Variants in PAOX observed in about 807,000 individuals in gnomAD.
The protein encoded by PAOX is peroxisomal N(1)-acetyl-spermine/spermidine oxidase.
A neutral mutation model predicts 39.0 loss-of-function variants in PAOX; 38 were observed. The observed-to-expected ratio is 0.97, with a 90% CI of 0.75 to 1.28. The LOEUF is 1.28. PAOX is among the 50% of genes most tolerant of loss of function. The pLI is 0.00. For synonymous variants in PAOX, 311 were observed against 314.4 expected (o/e 0.99, Z 0.11); for missense variants, 667 against 685.7 (o/e 0.97, Z 0.30).
chr10:133,379,662 G>A (rs896408791), intron 1 of PAOX, 165 bp downstream of exon 1: 11 of 640,472 alleles, frequency 1.7e-5, no homozygotes, highest in Non-Finnish European at 2.0e-5. Context: ...CCGAAACTCA[G>A]GGCTCAGAGT....
At chr10:133,379,947 G>T in intron 1 of PAOX, 52 bp from the exon 2 acceptor site, 1 of 1,501,840 alleles carries the variant, frequency 6.7e-7, no homozygotes, top group Non-Finnish European at 8.8e-7. Context: ...AGGGCTCGGG[G>T]TGACCCTTCT....
chr10:133,388,996 T>G lies in PAOX; in HGVS notation c.1162T>G (p.Ser388Ala). 2 of 1,614,100 alleles carry G rather than the reference T, an allele frequency of 1.2e-6. No individual in the cohort carries two copies. Among genetic ancestry groups the G allele is most frequent in the Non-Finnish European group, 1.7e-6 (2 of 1,180,018 alleles). Residue 388 changes from serine (S) to alanine (A), a missense_variant, in exon 5 of 7, where the codon TCT becomes GCT. Transcript: ENST00000278060. ...CTGTGGGTTCATTGCCGGACTTGAGTCTGAGTTCATGGAGACTCTGTCGGA... is the reference window on the plus strand; with the variant it reads ...CTGTGGGTTCATTGCCGGACTTGAGGCTGAGTTCATGGAGACTCTGTCGGA... ...VLCGFIAGLE[S>A]EFMETLSDEE...
At chr10:133,379,571 G>C in intron 1 of PAOX, 74 bp downstream of exon 1, 7 of 1,165,728 alleles carry the variant, frequency 6.0e-6, no homozygotes, top group Non-Finnish European at 7.5e-6. Context: ...AACCTGCCCT[G>C]CGCGCAGCCG....
At position 133,379,508 on chromosome 10, in the gene PAOX, C is replaced by T. The variant is rs1849291246; in HGVS notation, c.181+11C>T. ...CGGAGCGCTGCTTCGGTAACCGCCC[C>T]TCCCGGAGCCCCTCCCGGAACCCAA... is the stretch of plus-strand genomic sequence containing the variant. On this transcript the variant is annotated intron_variant, in intron 1 of 6. Transcript: ENST00000278060. 2 of 1,225,564 alleles carry T rather than the reference C, an allele frequency of 1.6e-6. No individual in the cohort carries two copies. Among genetic ancestry groups the T allele is most frequent in the Non-Finnish European group, 2.0e-6 (2 of 984,050 alleles). The allele number at this position is 1,225,564 out of a possible 1,614,324, so 75.9% of individuals were successfully genotyped here.
rs748587087 is a variant in PAOX, at chr10:133,380,415, A to G, written c.598A>G (p.Met200Val). ...LECCVSGTHS[M>V]DLVALAPFGE... ...ATGCTGTGTGAGCGGCACCCACAGC[A>G]TGGACCTGGTGGCCCTGGCACCCTT... The change falls in exon 2 of 7, where the codon ATG becomes GTG. Residue 200 changes from methionine to valine, a missense_variant. Transcript: ENST00000278060. The G allele has an allele frequency of 6.2e-7, 1 of 1,612,808 alleles. No individual in the cohort carries two copies. Among genetic ancestry groups the G allele is most frequent in the South Asian group, 1.1e-5 (1 of 91,078 alleles).
At chr10:133,379,857 G>A (rs767797989) in intron 1 of PAOX, 142 bp from the exon 2 acceptor site, 355 of 1,157,304 alleles carry the variant, frequency 3.1e-4, no homozygotes, top group Non-Finnish European at 4.0e-4. Flanking sequence ...ACAGGGCCCT[G>A]CCCTGGGGGA....
chr10:133,380,347 G>C lies in PAOX; in HGVS notation c.530G>C (p.Arg177Thr). ...VAGWTEDEET[R>T]KLKLAVLNSF... ...GGCTGGACAGAGGATGAGGAGACCA[G>C]GAAGCTGAAGCTGGCCGTCCTGAAC... Residue 177 changes from arginine to threonine, a missense_variant, in exon 2 of 7, where the codon AGG becomes ACG. Coordinates refer to ENST00000278060, the MANE Select transcript of PAOX (RefSeq NM_152911.4). 1 of 1,612,926 alleles carries C rather than the reference G, an allele frequency of 6.2e-7. No individual in the cohort carries two copies. The highest frequency in any genetic ancestry group is 8.5e-7 in the Non-Finnish European group (1 of 1,180,036).
chr10:133,381,834 T>C (rs1242356885), intron 3 of PAOX, among the ~76,000 whole-genome samples, 175 bp downstream of exon 3: 1 of 152,228 alleles, frequency 6.6e-6, no homozygotes, highest in Non-Finnish European at 1.5e-5. Context: ...TTACATGCTT[T>C]GGAATTAAGG....
At chr10:133,385,148 T>G (rs772590833) in intron 4 of PAOX, among the ~76,000 whole-genome samples, 3 of 152,026 alleles carry the variant, frequency 2.0e-5, no homozygotes, top group Non-Finnish European at 4.4e-5. Flanking sequence ...ATACAAAAAA[T>G]TAGCCGGTGT....
chr10:133,381,478 A>G lies in PAOX; in HGVS notation c.687A>G (p.Thr229=). 2 of 1,613,778 alleles carry G rather than the reference A, an allele frequency of 1.2e-6. No homozygotes were observed. The highest frequency in any genetic ancestry group is 2.2e-5 in the East Asian group (1 of 44,886). ...TTTCTAGGGGCTATCAAGGACTCAC[A>G]AACTGCATGATGGCCGCCCTGCCGG... The part of the protein sequence containing the change: ...CTFSKGYQGL[T]NCMMAALPED... The change falls in exon 3 of 7, where the codon ACA becomes ACG. Residue 229 remains threonine (T), a synonymous_variant. Transcript: ENST00000278060.
intron 2 of PAOX, among the ~76,000 whole-genome samples, chr10:133,380,719 C>G (rs1849343196): frequency 6.6e-6 from 1 of 152,236 alleles, no homozygotes; most frequent in Non-Finnish European, 1.5e-5. Context: ...GTGGCTCACG[C>G]CTGTAATCCC....
Position 133,384,046 on chromosome 10 carries a change from A to G in PAOX, c.955A>G (p.Thr319Ala). The G allele has an allele frequency of 6.2e-7, 1 of 1,614,150 alleles. No homozygotes were observed. The change falls in exon 4 of 7, where the codon ACC becomes GCC. Residue 319 changes from threonine (T) to alanine (A), a missense_variant. By Grantham distance (58) the Thr-to-Ala change is moderately conservative (BLOSUM62 0). Transcript: ENST00000278060. This position sits in a 1 kb window ranked among gnomAD's most constrained non-coding sequence, Gnocchi z 4.3. ...AGCAATCAGGAAGATAGGCTTTGGG[A>G]CCAACAACAAAATCTTCCTGGAGTT... ...AEAIRKIGFG[T>A]NNKIFLEFEE... is the part of the protein sequence containing the mutation.
chr10:133,387,781 C>T (rs1046842679), intron 4 of PAOX, among the ~76,000 whole-genome samples: 1 of 152,176 alleles, frequency 6.6e-6, no homozygotes, highest in African/African-American at 2.4e-5. Context: ...AGAGCAGTGG[C>T]GCGATCTTGG....
At position 133,385,685 on chromosome 10, in the gene PAOX, G is replaced by A. The variant is rs984188967; in HGVS notation, c.1121+1473G>A. On this transcript the variant is annotated intron_variant, in intron 4 of 6. Coordinates refer to ENST00000278060, the MANE Select transcript of PAOX (RefSeq NM_152911.4). The stretch of plus-strand genomic sequence containing the variant: ...TGCAAGCCCCACCTCCTGGGTTCAC[G>A]CCATTCTCCTGCCTCAGCCTCCTGA... Among the ~76,000 whole-genome samples, 6 of 152,132 alleles carry A rather than the reference G, an allele frequency of 3.9e-5. No homozygotes were observed. The South Asian group carries it at 1.0e-3, about 26-fold the overall frequency.
At position 133,381,631 on chromosome 10, in the gene PAOX, G is replaced by T. The variant is rs762289526; in HGVS notation, c.840G>T (p.Ala280=). The change falls in exon 3 of 7, where the codon GCG becomes GCT. Residue 280 remains alanine (A), a synonymous_variant. Coordinates refer to ENST00000278060, the MANE Select transcript of PAOX (RefSeq NM_152911.4). ...VECEDGDRFP[A]HHVIVTVPLG... ...GTGAGGATGGAGACCGGTTCCCGGC[G>T]CACCATGTCATCGTCACCGTGCCCT... 2 of 1,613,222 alleles carry T rather than the reference G, an allele frequency of 1.2e-6. No individual in the cohort carries two copies. Among genetic ancestry groups the T allele is most frequent in the East Asian group, 2.2e-5 (1 of 44,872 alleles).
intron 1 of PAOX, 113 bp downstream of exon 1, chr10:133,379,610 C>A: frequency 2.3e-6 from 2 of 878,840 alleles, no homozygotes; most frequent in Non-Finnish European, 3.0e-6. Flanking sequence ...CCGGGCTCCC[C>A]GAGGGAATCC....
At position 133,380,218 on chromosome 10, in the gene PAOX, T is replaced by C. The variant is rs1180564194; in HGVS notation, c.401T>C (p.Phe134Ser). The change falls in exon 2 of 7, where the codon TTC becomes TCC. Residue 134 changes from phenylalanine to serine, a missense_variant. Phe to Ser is a radical substitution (Grantham distance 155). Transcript: ENST00000278060. ...LQLVAEMATL[F>S]YGLIDQTREF... ...CTGGTGGCGGAGATGGCGACTCTGT[T>C]CTACGGCCTGATAGACCAGACCCGG... 9.3e-6 allele frequency: 15 copies of C among 1,612,914 alleles called. No homozygotes were observed. The highest frequency in any genetic ancestry group is 3.3e-5 in the Admixed American group (2 of 60,026).
intron 2 of PAOX, among the ~76,000 whole-genome samples, chr10:133,380,777 A>T (rs1849344700): frequency 6.6e-6 from 1 of 152,202 alleles, no homozygotes; most frequent in Admixed American, 6.5e-5. Context: ...CAGGAGTTCA[A>T]GAACAGCCTG....
At chr10:133,390,176 C>T (rs1849636991) in intron 6 of PAOX, among the ~76,000 whole-genome samples, 1 of 150,134 alleles carries the variant, frequency 6.7e-6, no homozygotes. Flanking sequence ...CAAGCTTCTC[C>T]CCGCCCACCC....
Sources: allele counts gnomAD v4.1 joint callset (sites outside exome capture counted in the v4.1 genomes callset), GRCh38; gene constraint gnomAD v4.1.1; non-coding constraint Gnocchi (gnomAD v3.1); transcripts MANE v1.5; gene names NCBI Gene and HGNC (gene_info 2026-07-23, HGNC 2026-07-21).